The following GUCY1A2 variants were observed in gnomAD, a reference collection of about 807,000 sequenced individuals.
GUCY1A2 encodes guanylate cyclase soluble subunit alpha-2.
In GUCY1A2, 27 loss-of-function variants were observed where a neutral mutation model predicts 63.5. The ratio of observed to expected loss-of-function variants is 0.43; its 90% CI spans 0.31 to 0.59. The LOEUF (loss-of-function observed/expected upper bound fraction) is 0.59. GUCY1A2 is among the 20% of genes least tolerant of loss of function. The pLI is 0.11. For missense variants in GUCY1A2, 768 were observed against 913.3 expected (o/e 0.84, Z 2.05); for synonymous variants, 364 against 343.5 (o/e 1.06, Z -0.66).
Position 107,017,865 on chromosome 11 carries a change from G to A in GUCY1A2, c.191C>T (p.Ala64Val). 1 of 1,252,070 alleles carries A rather than the reference G, an allele frequency of 8.0e-7. No individual in the cohort carries two copies. 77.6% of individuals were successfully genotyped at this position (1,252,070 alleles called of 1,614,324 possible). ...GGCAGCGGCGGCGGCGGCAGAAGCA[G>A]CCGGGGTCGGGGCCGGGGCGGCGGC... ...AAAAAPAPTP[A>V]ASAAAAAATA... The change falls in exon 1 of 8, where the codon GCT becomes GTT. Residue 64 changes from alanine to valine, a missense_variant. Physicochemically the swap from Ala to Val is moderately conservative, Grantham distance 64. This residue lies in a region of GUCY1A2 where 496 missense variants were observed against 486.9 expected (regional missense o/e 1.02). Coordinates refer to ENST00000526355, the MANE Select transcript of GUCY1A2 (RefSeq NM_000855.3).
At chr11:106,795,294 G>A (rs1263653509) in intron 5 of GUCY1A2, among the ~76,000 whole-genome samples, 2 of 152,104 alleles carry the variant, frequency 1.3e-5, no homozygotes, top group Non-Finnish European at 2.9e-5. Flanking sequence ...GATCGTCAAA[G>A]GACCTTATAT....
intron 3 of GUCY1A2, among the ~76,000 whole-genome samples, chr11:106,946,743 T>C (rs1260021859): frequency 6.6e-6 from 1 of 152,144 alleles, no homozygotes; most frequent in East Asian, 1.9e-4. Context: ...CTAATGAGTA[T>C]GGGGTTTCTT....
At chr11:106,927,093 G>C (rs1860534750) in intron 4 of GUCY1A2, among the ~76,000 whole-genome samples, 1 of 151,774 alleles carries the variant, frequency 6.6e-6, no homozygotes, top group South Asian at 2.1e-4. Context: ...AAGATTAGAG[G>C]CCGGGTGCAG....
At chr11:106,854,249 C>T (rs1022220357) in intron 4 of GUCY1A2, among the ~76,000 whole-genome samples, 1 of 152,074 alleles carries the variant, frequency 6.6e-6, no homozygotes. Context: ...GCCTTGGGCC[C>T]GTGGGAGTGA....
At chr11:106,893,942 G>C (rs1188388173) in intron 4 of GUCY1A2, among the ~76,000 whole-genome samples, 1 of 152,174 alleles carries the variant, frequency 6.6e-6, no homozygotes, top group African/African-American at 2.4e-5. Context: ...GTGAATACTA[G>C]AGGAAAATTC....
intron 5 of GUCY1A2, among the ~76,000 whole-genome samples, chr11:106,784,283 C>T (rs773133779): frequency 2.0e-5 from 3 of 152,116 alleles, no homozygotes; most frequent in Non-Finnish European, 4.4e-5. Context: ...AGCCACAACC[C>T]TGTAGGTTAT....
chr11:106,853,749 T>C (rs1036784318), intron 4 of GUCY1A2, among the ~76,000 whole-genome samples: 2 of 152,222 alleles, frequency 1.3e-5, no homozygotes, highest in Admixed American at 6.5e-5. Flanking sequence ...TACCTCTGCA[T>C]CTGTCTTAAT....
At chr11:106,865,874 T>A (rs1283867880) in intron 4 of GUCY1A2, among the ~76,000 whole-genome samples, 1 of 151,436 alleles carries the variant, frequency 6.6e-6, no homozygotes, top group African/African-American at 2.4e-5. Context: ...AAAACTCATA[T>A]GGCAATTATT....
intron 7 of GUCY1A2, among the ~76,000 whole-genome samples, chr11:106,699,603 T>C (rs1591235347): frequency 6.6e-6 from 1 of 152,128 alleles, no homozygotes; most frequent in East Asian, 1.9e-4. Context: ...AATTAACTTT[T>C]TAGCCCTGCC....
intron 6 of GUCY1A2, among the ~76,000 whole-genome samples, chr11:106,709,095 T>C (rs2135349437): frequency 7.5e-6 from 1 of 133,604 alleles, no homozygotes; most frequent in South Asian, 2.3e-4. Context: ...TTTCTGTTTA[T>C]TTTGTTTAAA....
intron 4 of GUCY1A2, among the ~76,000 whole-genome samples, chr11:106,824,525 T>G (rs1245300475): frequency 6.6e-6 from 1 of 151,974 alleles, no homozygotes; most frequent in Non-Finnish European, 1.5e-5. Flanking sequence ...AAACCACTGT[T>G]TTAAACCAAA....
intron 4 of GUCY1A2, among the ~76,000 whole-genome samples, chr11:106,877,399 A>G (rs963373861): frequency 4.6e-5 from 7 of 152,104 alleles, no homozygotes; most frequent in African/African-American, 1.7e-4. Flanking sequence ...AAACTATACT[A>G]TAGGGCTACA....
chr11:106,793,147 A>T (rs1864692399), intron 5 of GUCY1A2, among the ~76,000 whole-genome samples: 1 of 152,236 alleles, frequency 6.6e-6, no homozygotes, highest in Admixed American at 6.5e-5. Context: ...TAATGAAAAT[A>T]GTATGGTGAT....
chr11:106,803,696 T>A (rs1858641860), intron 5 of GUCY1A2, among the ~76,000 whole-genome samples: 1 of 152,204 alleles, frequency 6.6e-6, no homozygotes, highest in Admixed American at 6.6e-5. Context: ...TATAAAGTGA[T>A]AAAATTAGTC....
intron 2 of GUCY1A2, among the ~76,000 whole-genome samples, chr11:106,984,239 T>C (rs936498996): frequency 7.9e-5 from 12 of 152,340 alleles, no homozygotes; most frequent in Middle Eastern, 6.8e-3. Context: ...AATATGTTAA[T>C]AGGCCTATTT....
At chr11:106,722,948 C>T (rs1295444157) in intron 6 of GUCY1A2, among the ~76,000 whole-genome samples, 1 of 151,998 alleles carries the variant, frequency 6.6e-6, no homozygotes, top group Non-Finnish European at 1.5e-5. Flanking sequence ...TAGTTTTAAC[C>T]AAAGCAATAT....
At chr11:106,688,726 G>A (rs1862571298) in intron 7 of GUCY1A2, among the ~76,000 whole-genome samples, 1 of 152,126 alleles carries the variant, frequency 6.6e-6, no homozygotes, top group South Asian at 2.1e-4. Context: ...AATTGCAGAA[G>A]TCTAGAAGAA....
intron 5 of GUCY1A2, among the ~76,000 whole-genome samples, chr11:106,789,206 T>C (rs995390184): frequency 6.6e-6 from 1 of 152,226 alleles, no homozygotes; most frequent in Admixed American, 6.5e-5. Flanking sequence ...TGACTGTGTA[T>C]TTTCAAGTAG....
At chr11:106,751,721 GATTT>G (rs1440430974) in intron 6 of GUCY1A2, among the ~76,000 whole-genome samples, 4 of 151,932 alleles carry the variant, frequency 2.6e-5, no homozygotes, top group East Asian at 1.9e-4. Flanking sequence ...TACCAGAGTG[GATTT>G]ATTTGTAGAA....
Sources: allele counts gnomAD v4.1 joint callset (sites outside exome capture counted in the v4.1 genomes callset), GRCh38; gene constraint gnomAD v4.1.1; regional missense constraint gnomAD v4.1.1; transcripts MANE v1.5; gene names NCBI Gene and HGNC (gene_info 2026-07-23, HGNC 2026-07-21).